Variants in BTN3A2 observed in about 807,000 individuals in gnomAD.
BTN3A2 encodes the protein butyrophilin protein.
BTN3A2 carries 25 observed loss-of-function variants against 37.6 expected under a neutral mutation model. The observed-to-expected ratio is 0.66, with a 90% CI of 0.48 to 0.93. The LOEUF is 0.93. BTN3A2 is among the 40% of genes least tolerant of loss of function. BTN3A2 has a pLI of 0.00. For missense variants in BTN3A2, 266 were observed against 410.9 expected, an observed-to-expected ratio of 0.65 and a Z score of 3.05; for synonymous variants, 122 against 159.4, an observed-to-expected ratio of 0.77 and a Z score of 1.77.
chr6:26,373,264 G>A lies in BTN3A2; in HGVS notation c.917-12G>A. The A allele has an allele frequency of 9.8e-7, 1 of 1,017,580 alleles. No homozygotes were observed. The allele number at this position is 1,017,580 out of a possible 1,614,324, so 63.0% of individuals were successfully genotyped here. ...TTTTTTTTTTTTTTTTTTTTTTTTG[G>A]TTATTTTCCAGAGAGCCTCCAGGAG... On this transcript the variant is annotated splice_polypyrimidine_tract_variant and intron_variant, in intron 6 of 10. Transcript: ENST00000377708.
In BTN3A2 at chr6:26,375,938, A is replaced by G; in HGVS notation, c.*176A>G. On this transcript the variant is annotated 3_prime_UTR_variant, in exon 11 of 11. Transcript: ENST00000377708. ...ATTAACCTCTGAGGGCCAGCACAGC[A>G]GCTCATGCCTGTAATCCTAGCACTT... is the stretch of plus-strand genomic sequence containing the variant. The G allele has an allele frequency of 7.4e-7, 1 of 1,347,936 alleles. No homozygotes were observed. Among genetic ancestry groups the G allele is most frequent in the African/African-American group, 1.5e-5 (1 of 68,850 alleles). The allele number at this position is 1,347,936 out of a possible 1,614,324, so 83.5% of individuals were successfully genotyped here. A position where few individuals can be genotyped will look rare whatever the true frequency, so the allele number is the denominator to read the frequency against.
Position 26,376,866 on chromosome 6 carries a change from G to A in BTN3A2, c.*1104G>A. 6.2e-7 allele frequency: 1 copy of A among 1,614,080 alleles called. No individual in the cohort carries two copies. The highest frequency in any genetic ancestry group is 8.5e-7 in the Non-Finnish European group (1 of 1,179,994). ...CGGATACTGGACTATGGGCCTGACT[G>A]ATGGGAATAAGTATCGGGCTCTCAC... On this transcript the variant is annotated 3_prime_UTR_variant, in exon 11 of 11. Coordinates refer to ENST00000377708, the MANE Select transcript of BTN3A2 (RefSeq NM_007047.5).
At chr6:26,372,812 A>G in intron 5 of BTN3A2, 85 bp from the exon 6 acceptor site, 2 of 1,533,136 alleles carry the variant, frequency 1.3e-6, no homozygotes, top group Non-Finnish European at 1.8e-6. Flanking sequence ...CCCCGACCTG[A>G]GCTGAGCAGC....
intron 4 of BTN3A2, among the ~76,000 whole-genome samples, chr6:26,369,950 G>A (rs1190041446): frequency 6.6e-6 from 1 of 152,200 alleles, no homozygotes; most frequent in Non-Finnish European, 1.5e-5. Context: ...AGAAAAGGAA[G>A]AAGTCTGGGT....
intron 10 of BTN3A2, chr6:26,375,421 C>A: frequency 2.1e-6 from 1 of 479,696 alleles, no homozygotes; most frequent in Non-Finnish European, 3.8e-6. Context: ...GTCCTCGGGC[C>A]TTGTTAGAGC....
At chr6:26,374,487 T>G in intron 9 of BTN3A2, 114 bp downstream of exon 9, 1 of 1,201,264 alleles carries the variant, frequency 8.3e-7, no homozygotes, top group Non-Finnish European at 1.2e-6. Context: ...TTCTGTGTGG[T>G]GGGGGTTCAC....
At chr6:26,373,589 A>G (rs1312224111) in intron 8 of BTN3A2, 176 bp downstream of exon 8, 18 of 103,070 alleles carry the variant, frequency 1.7e-4, no homozygotes, top group Admixed American at 3.3e-4. Context: ...TTCTCTCTAG[A>G]AAAAAAAAAA....
Position 26,376,274 on chromosome 6 carries a change from G to C in BTN3A2, c.*512G>C. The C allele has an allele frequency of 5.1e-6, 1 of 194,504 alleles. No individual in the cohort carries two copies. The highest frequency in any genetic ancestry group is 5.3e-5 in the Admixed American group (1 of 18,744). 12.0% of individuals were successfully genotyped at this position (194,504 alleles called of 1,614,324 possible). A position where few individuals can be genotyped will look rare whatever the true frequency, so the allele number is the denominator to read the frequency against. ...AACCTCTGAGTATAAAGCATCAGTG[G>C]GCAGAATCAATGTGGGGAGGGAAAC... is the stretch of plus-strand genomic sequence containing the variant. On this transcript the variant is annotated 3_prime_UTR_variant, in exon 11 of 11. Transcript: ENST00000377708.
At chr6:26,369,824 G>A (rs1263619232) in intron 4 of BTN3A2, among the ~76,000 whole-genome samples, 1 of 152,182 alleles carries the variant, frequency 6.6e-6, no homozygotes, top group Non-Finnish European at 1.5e-5. Flanking sequence ...CAGAGACCCG[G>A]TGTCAGTTTC....
chr6:26,374,079 A>G, intron 8 of BTN3A2: 1 of 453,900 alleles, frequency 2.2e-6, no homozygotes, highest in Non-Finnish European at 3.9e-6. Context: ...CCCATTGGGA[A>G]GGAACTCTCA....
Position 26,377,210 on chromosome 6 carries a change from T to C in BTN3A2, c.*1448T>C, listed in dbSNP as rs893152912. 2 of 1,097,346 alleles carry C rather than the reference T, an allele frequency of 1.8e-6. No homozygotes were observed. The highest frequency in any genetic ancestry group is 1.4e-6 in the Non-Finnish European group (1 of 714,630). The allele number at this position is 1,097,346 out of a possible 1,614,324, so 68.0% of individuals were successfully genotyped here. A position where few individuals can be genotyped will look rare whatever the true frequency, so the allele number is the denominator to read the frequency against. On this transcript the variant is annotated 3_prime_UTR_variant, in exon 11 of 11. Transcript: ENST00000377708. ...GGGAGCCTCAGGCTGAAGTAACATC[T>C]CTGCTTCTCCCTGCCCAGCCTGGAG... is the stretch of plus-strand genomic sequence containing the variant.
At chr6:26,368,394 T>C in intron 3 of BTN3A2, 127 bp downstream of exon 3, 2 of 1,537,342 alleles carry the variant, frequency 1.3e-6, no homozygotes, top group Non-Finnish European at 1.8e-6. Flanking sequence ...TACCTGGAAG[T>C]CCATCCCAAC....
intron 1 of BTN3A2, among the ~76,000 whole-genome samples, chr6:26,366,200 G>A (rs72841505): frequency 0.031 from 4,636 of 147,460 alleles, 127 homozygotes; most frequent in South Asian, 0.14. Context: ...TAAAAAACCC[G>A]AATTATTTTT....
chr6:26,373,588 GAAAAAAAAA>G (rs539931551), intron 8 of BTN3A2, 175 bp downstream of exon 8: 4 of 139,490 alleles, frequency 2.9e-5, no homozygotes, highest in East Asian at 1.7e-4. Context: ...TTTCTCTCTA[GAAAAAAAAA>G]AAAAAAAAAA....
Position 26,377,051 on chromosome 6 carries a change from C to A in BTN3A2, c.*1289C>A. 1.4e-6 allele frequency: 2 copies of A among 1,391,172 alleles called. No homozygotes were observed. The highest frequency in any genetic ancestry group is 2.0e-6 in the Non-Finnish European group (2 of 981,028). 86.2% of individuals were successfully genotyped at this position (1,391,172 alleles called of 1,614,324 possible). ...CCTCTGAGCCTCTGTATCCTGTATTCAGAATTTTGACCTTGGAGCCCACTG... is the reference window on the plus strand; with the variant it reads ...CCTCTGAGCCTCTGTATCCTGTATTAAGAATTTTGACCTTGGAGCCCACTG... On this transcript the variant is annotated 3_prime_UTR_variant, in exon 11 of 11. Coordinates refer to ENST00000377708, the MANE Select transcript of BTN3A2 (RefSeq NM_007047.5).
intron 8 of BTN3A2, 174 bp downstream of exon 8, chr6:26,373,587 A>AAAAC: frequency 4.2e-6 from 1 of 239,390 alleles, no homozygotes. Context: ...TTTTCTCTCT[A>AAAAC]GAAAAAAAAA....
chr6:26,376,985 C>T lies in BTN3A2; in HGVS notation c.*1223C>T. 1 of 1,506,662 alleles carries T rather than the reference C, an allele frequency of 6.6e-7. No individual in the cohort carries two copies. The highest frequency in any genetic ancestry group is 2.3e-5 in the East Asian group (1 of 44,276). The allele number at this position is 1,506,662 out of a possible 1,614,324, so 93.3% of individuals were successfully genotyped here. ...CTGGACATATCTCGTTCTACAATGC[C>T]ACGGATGGATCTCATATCTACACAT... On this transcript the variant is annotated 3_prime_UTR_variant, in exon 11 of 11. Coordinates refer to ENST00000377708, the MANE Select transcript of BTN3A2 (RefSeq NM_007047.5).
intron 3 of BTN3A2, 89 bp from the exon 4 acceptor site, chr6:26,368,476 T>C: frequency 1.9e-6 from 3 of 1,596,972 alleles, no homozygotes; most frequent in Non-Finnish European, 2.6e-6. Context: ...AGGTTCTCTG[T>C]ATCTCGCCTT....
chr6:26,366,926 C>T (rs1759564439), intron 1 of BTN3A2, among the ~76,000 whole-genome samples: 1 of 152,176 alleles, frequency 6.6e-6, no homozygotes, highest in Non-Finnish European at 1.5e-5. Context: ...TTAACTAATA[C>T]ATGAAAATTT....
Sources: allele counts gnomAD v4.1 joint callset (sites outside exome capture counted in the v4.1 genomes callset), GRCh38; gene constraint gnomAD v4.1.1; transcripts MANE v1.5; gene names NCBI Gene and HGNC (gene_info 2026-07-23, HGNC 2026-07-21).